The following TXLNB variants were observed in gnomAD, a reference collection of about 807,000 sequenced individuals.
The protein encoded by TXLNB is beta-taxilin.
Under a neutral mutation model 57.4 loss-of-function variants are expected in TXLNB, and 37 were observed. That is an observed-to-expected ratio of 0.64 (90% CI 0.50 to 0.85). TXLNB has a LOEUF of 0.85. Ranked by LOEUF, TXLNB falls within the 40% of genes least tolerant of loss-of-function variation. The pLI is 0.00. For synonymous variants in TXLNB, 302 were observed against 309.6 expected (o/e 0.98, Z 0.26); for missense variants, 848 against 825.6 (o/e 1.03, Z -0.33).
chr6:139,281,539 C>CCTT lies in TXLNB; in HGVS notation c.425-4619_425-4618insAAG, dbSNP rs1213464486. Reference sequence around the variant, plus strand: ...TCAGTAGGAGAGTGGATCTGGAGTTCTTTTTTTTTTTTTTTTTTTTTTTTT... The same window carrying CCTT: ...TCAGTAGGAGAGTGGATCTGGAGTTCCTTTTTTTTTTTTTTTTTTTTTTTTTTT... On this transcript the variant is annotated intron_variant, in intron 2 of 9. Transcript: ENST00000358430. Among the ~76,000 whole-genome samples the CCTT allele has an allele frequency of 2.4e-4, 14 of 57,448 alleles. 1 individual carries two copies. The East Asian group carries it at 2.6e-3, about 10-fold the overall frequency. 37.7% of individuals were successfully genotyped at this position (57,448 alleles called of 152,430 possible). A position where few individuals can be genotyped will look rare whatever the true frequency, so the allele number is the denominator to read the frequency against.
the TXLNB span, among the ~76,000 whole-genome samples, chr6:139,215,119 A>G: frequency 5.3e-5 from 8 of 151,692 alleles, no homozygotes; most frequent in Non-Finnish European, 1.2e-4. Flanking sequence ...AAGAATTGGA[A>G]AAAACTACTT....
At chr6:139,299,393 C>A in the TXLNB span, among the ~76,000 whole-genome samples, 2 of 152,212 alleles carry the variant, frequency 1.3e-5, no homozygotes, top group Non-Finnish European at 2.9e-5. Flanking sequence ...GATACCCAAA[C>A]AAACCTTACT....
At chr6:139,283,271 TAAA>T (rs561341851) in intron 2 of TXLNB, 32 of 96,488 alleles carry the variant, frequency 3.3e-4, no homozygotes, top group East Asian at 5.6e-4. Flanking sequence ...AGGTGTTCTG[TAAA>T]AAAAAAAAAA....
intron 2 of TXLNB, among the ~76,000 whole-genome samples, chr6:139,286,022 C>T (rs1777164709): frequency 6.6e-6 from 1 of 151,782 alleles, no homozygotes; most frequent in African/African-American, 2.4e-5. Context: ...TCTTATCTTT[C>T]AGTGGCCTTG....
At chr6:139,300,542 C>G in the TXLNB span, among the ~76,000 whole-genome samples, 1 of 152,180 alleles carries the variant, frequency 6.6e-6, no homozygotes, top group African/African-American at 2.4e-5. Context: ...ACCTGTCTGC[C>G]TTTCGAAAGG....
At chr6:139,221,955 T>G in the TXLNB span, among the ~76,000 whole-genome samples, 3 of 151,780 alleles carry the variant, frequency 2.0e-5, no homozygotes, top group African/African-American at 7.3e-5. Context: ...CACTAAAAGC[T>G]TAAGGAAAGA....
At chr6:139,264,628 C>T (rs1370573273) in intron 4 of TXLNB, among the ~76,000 whole-genome samples, 2 of 152,052 alleles carry the variant, frequency 1.3e-5, no homozygotes, top group Non-Finnish European at 2.9e-5. Flanking sequence ...GGCATGATCT[C>T]GGCTCACTGC....
chr6:139,163,035 C>T, the TXLNB span, among the ~76,000 whole-genome samples: 2 of 152,220 alleles, frequency 1.3e-5, no homozygotes, highest in African/African-American at 4.8e-5. Context: ...ACCTGCCCTC[C>T]ATCATTCCCG....
In TXLNB at chr6:139,242,718, G is replaced by A; in HGVS notation, c.1863C>T (p.Ala621=). The change falls in exon 10 of 10, where the codon GCC becomes GCT. Residue 621 remains alanine, a synonymous_variant. Transcript: ENST00000358430. ...CATCTGCCTCCATCTTCTGTAGGGA[G>A]GCCTCGGTGGGAGCCTGTGGGGCCT... ...SGQAPQAPTE[A]SLQKMEADVP... 2 of 1,612,712 alleles carry A rather than the reference G, an allele frequency of 1.2e-6. No individual in the cohort carries two copies. The highest frequency in any genetic ancestry group is 8.5e-7 in the Non-Finnish European group (1 of 1,179,574).
chr6:139,172,720 G>A, the TXLNB span, among the ~76,000 whole-genome samples: 3 of 152,278 alleles, frequency 2.0e-5, no homozygotes, highest in African/African-American at 2.4e-5. Flanking sequence ...TTACGGATCC[G>A]AGAGACATGA....
At chr6:139,235,120 G>A (rs944134707), downstream of TXLNB, among the ~76,000 whole-genome samples, 16 of 152,084 alleles carry the variant, frequency 1.1e-4, no homozygotes, top group Admixed American at 1.0e-3. Flanking sequence ...TATTCCCTCC[G>A]GCCTGTGCCC....
chr6:139,270,457 T>C lies in TXLNB; in HGVS notation c.686A>G (p.Lys229Arg), dbSNP rs1562282446. Residue 229 changes from lysine to arginine, a missense_variant and splice_region_variant, in exon 4 of 10, where the codon AAG (lysine) becomes AGG (arginine). Lys to Arg is a conservative substitution (Grantham distance 26). Transcript: ENST00000358430. ...RELQRHNKTL[K>R]EEALQRAREE... is the part of the protein sequence containing the mutation. ...TTATTCTGAGGCATGGGGACATACC[T>C]TCAGAGTCTTGTTGTGTCTCTGCAG... 1.2e-6 allele frequency: 2 copies of C among 1,613,402 alleles called. No individual in the cohort carries two copies. The highest frequency in any genetic ancestry group is 4.5e-5 in the East Asian group (2 of 44,872).
chr6:139,237,114 T>C (rs1470724483), downstream of TXLNB, among the ~76,000 whole-genome samples: 1 of 152,204 alleles, frequency 6.6e-6, no homozygotes, highest in Non-Finnish European at 1.5e-5. Flanking sequence ...TTAATAGTCT[T>C]ACGGTTTTAT....
At chr6:139,243,415 A>G in intron 9 of TXLNB, 101 bp from the exon 10 acceptor site, 1 of 1,299,490 alleles carries the variant, frequency 7.7e-7, no homozygotes, top group Non-Finnish European at 1.0e-6. Context: ...TATTTGTCCC[A>G]GAATTTGTCT....
At chr6:139,215,312 A>T in the TXLNB span, among the ~76,000 whole-genome samples, 1 of 152,234 alleles carries the variant, frequency 6.6e-6, no homozygotes, top group African/African-American at 2.4e-5. Context: ...AGCCCTCAGA[A>T]ATAATGCCAC....
the TXLNB span, among the ~76,000 whole-genome samples, chr6:139,168,192 ATAT>A: frequency 6.6e-6 from 1 of 152,152 alleles, no homozygotes; most frequent in African/African-American, 2.4e-5. Context: ...CCAGCTTTAC[ATAT>A]TATCTGTTTA....
the TXLNB span, among the ~76,000 whole-genome samples, chr6:139,210,409 A>T: frequency 6.6e-6 from 1 of 152,212 alleles, no homozygotes; most frequent in Non-Finnish European, 1.5e-5. Context: ...ACACATGCAC[A>T]CACATGTTTA....
intron 6 of TXLNB, among the ~76,000 whole-genome samples, chr6:139,260,085 T>C (rs1776442299): frequency 6.6e-6 from 1 of 152,078 alleles, no homozygotes; most frequent in African/African-American, 2.4e-5. Flanking sequence ...AGTAGCCTGT[T>C]GTGGTAGTGG....
At chr6:139,237,944 G>A (rs1775854794), downstream of TXLNB, among the ~76,000 whole-genome samples, 1 of 152,158 alleles carries the variant, frequency 6.6e-6, no homozygotes, top group African/African-American at 2.4e-5. Flanking sequence ...GCCAGGTGAA[G>A]TAGCTTCTGT....
Sources: gnomAD v4.1 joint callset for allele counts (sites outside exome capture counted in the v4.1 genomes callset) on GRCh38, gnomAD v4.1.1 for gene constraint, MANE v1.5 for transcripts, NCBI Gene and HGNC (gene_info 2026-07-23, HGNC 2026-07-21) for gene names.